The following FAM186A variants were observed in gnomAD, a reference collection of about 807,000 sequenced individuals.
FAM186A encodes protein FAM186A.
A neutral mutation model predicts 216.8 loss-of-function variants in FAM186A; 163 were observed. The ratio of observed to expected loss-of-function variants is 0.75; its 90% CI spans 0.66 to 0.86. FAM186A has a LOEUF of 0.86. FAM186A is among the 40% of genes least tolerant of loss of function. FAM186A has a pLI of 0.00. For missense variants in FAM186A, 2,184 were observed against 2,746.2 expected (o/e 0.80, Z 4.58); for synonymous variants, 805 against 1,025.3 (o/e 0.79, Z 4.10).
At chr12:50,377,390 C>T (rs1943208048) in intron 1 of FAM186A, among the ~76,000 whole-genome samples, 2 of 152,102 alleles carry the variant, frequency 1.3e-5, no homozygotes. Context: ...ATATCTTGCA[C>T]AATATTTCAA....
At chr12:50,328,961 C>CA (rs929570478) in intron 7 of FAM186A, among the ~76,000 whole-genome samples, 17 of 151,338 alleles carry the variant, frequency 1.1e-4, no homozygotes, top group Non-Finnish European at 1.6e-4. Context: ...ACTAAAAATA[C>CA]AAAAAAAATT....
Position 50,341,632 on chromosome 12 carries a change from C to T in FAM186A, c.6504-7529G>A, listed in dbSNP as rs145860073. Among the ~76,000 whole-genome samples the T allele has an allele frequency of 3.2e-3, 488 of 152,116 alleles. 3 individuals are homozygous for T. Among genetic ancestry groups the T allele is most frequent in the Non-Finnish European group, 4.6e-3 (311 of 67,986 alleles). ...TGGGCAGATCACGAGGTCAGGAGTT[C>T]GAGACCAACCTGGCCAACATGGTGA... is the stretch of plus-strand genomic sequence containing the variant. On this transcript the variant is annotated intron_variant, in intron 4 of 7. Transcript: ENST00000327337.
intron 2 of FAM186A, among the ~76,000 whole-genome samples, chr12:50,361,141 A>T (rs1289885044): frequency 6.6e-6 from 1 of 152,236 alleles, no homozygotes; most frequent in Non-Finnish European, 1.5e-5. Context: ...ACATAAAGAC[A>T]TGAATCAGAT....
At chr12:50,391,377 G>A (rs549752851) in intron 1 of FAM186A, among the ~76,000 whole-genome samples, 8 of 143,994 alleles carry the variant, frequency 5.6e-5, no homozygotes, top group Non-Finnish European at 1.1e-4. Flanking sequence ...GTGCAGTGGC[G>A]CGATCTTGGC....
At chr12:50,328,853 C>G (rs1370469958) in intron 7 of FAM186A, among the ~76,000 whole-genome samples, 2 of 152,194 alleles carry the variant, frequency 1.3e-5, no homozygotes, top group Non-Finnish European at 2.9e-5. Context: ...CGGTGGCTCA[C>G]GCCTGTAATC....
chr12:50,331,648 T>C (rs760710592), intron 6 of FAM186A, 22 bp downstream of exon 6: 11 of 1,525,462 alleles, frequency 7.2e-6, no homozygotes, highest in Non-Finnish European at 8.8e-7. Flanking sequence ...CAAAGTTTAA[T>C]ATCAGTCTTT....
At chr12:50,359,110 A>T (rs1327989533) in intron 3 of FAM186A, among the ~76,000 whole-genome samples, 2 of 134,110 alleles carry the variant, frequency 1.5e-5, no homozygotes, top group Non-Finnish European at 3.4e-5. Context: ...TGGCCATAAT[A>T]AAAAAAAAGA....
chr12:50,333,102 A>G (rs1361652271), intron 5 of FAM186A, among the ~76,000 whole-genome samples: 2 of 152,350 alleles, frequency 1.3e-5, no homozygotes, highest in African/African-American at 4.8e-5. Context: ...TTTGACTTGG[A>G]TTAGGCTCTG....
rs1942956171 is a variant in FAM186A at position 50,354,915 on chromosome 12, A to G, written c.1917T>C (p.Leu639=). ...ELTKQVKSHQ[L]VKSLSRVAKE... is the part of the protein sequence containing the mutation. ...TAGCCACTCTTGAGAGTGATTTAAC[A>G]AGTTGATGAGACTTGACTTGTTTGG... Residue 639 remains leucine, a synonymous_variant, in exon 4 of 8, where the codon CTT becomes CTC. Transcript: ENST00000327337. The G allele has an allele frequency of 3.9e-6, 6 of 1,550,608 alleles. No homozygotes were observed. Among genetic ancestry groups the G allele is most frequent in the Non-Finnish European group, 4.4e-6 (5 of 1,146,850 alleles).
chr12:50,390,326 A>G (rs968452113), intron 1 of FAM186A, among the ~76,000 whole-genome samples: 1 of 152,164 alleles, frequency 6.6e-6, no homozygotes, highest in Non-Finnish European at 1.5e-5. Context: ...TCCTTCTTCA[A>G]GAGAACTTGA....
In FAM186A at chr12:50,354,121, T is replaced by C. The variant is rs1489843048; in HGVS notation, c.2711A>G (p.Glu904Gly). 1 of 1,551,684 alleles carries C rather than the reference T, an allele frequency of 6.4e-7. No homozygotes were observed. Among genetic ancestry groups the C allele is most frequent in the Non-Finnish European group, 8.7e-7 (1 of 1,147,008 alleles). ...CTGTCCTCTTTGCTTTTGCTTTTCC[T>C]CTTGCTCAGCCTGCTTTGGAGTTGC... ...KQATPKQAEQ[E>G]EKQKQRGQEE... The change falls in exon 4 of 8, where the codon GAG (glutamate) becomes GGG (glycine). Residue 904 changes from glutamate (E) to glycine (G), a missense_variant. By Grantham distance (98) the Glu-to-Gly change is moderately conservative (BLOSUM62 -2). This residue lies in a region of FAM186A where 1,132 missense variants were observed against 1,263.4 expected (regional missense o/e 0.90). Transcript: ENST00000327337.
intron 4 of FAM186A, among the ~76,000 whole-genome samples, chr12:50,337,411 C>T (rs1190885176): frequency 1.3e-5 from 2 of 148,438 alleles, no homozygotes; most frequent in Non-Finnish European, 1.5e-5. Context: ...CCTCCCACCT[C>T]AGCCCCCCTC....
intron 1 of FAM186A, among the ~76,000 whole-genome samples, chr12:50,364,082 C>T (rs994469362): frequency 6.6e-6 from 1 of 152,122 alleles, no homozygotes; most frequent in African/African-American, 2.4e-5. Context: ...GGATGGACTA[C>T]TGGCATTTAG....
At position 50,330,711 on chromosome 12, in the gene FAM186A, G is replaced by A. The variant is rs1942648852; in HGVS notation, c.6896C>T (p.Thr2299Ile). 6.5e-7 allele frequency: 1 copy of A among 1,541,924 alleles called. No individual in the cohort carries two copies. Among genetic ancestry groups the A allele is most frequent in the Admixed American group, 2.1e-5 (1 of 48,674 alleles). Residue 2299 changes from threonine (T) to isoleucine (I), a missense_variant, in exon 7 of 8, where the codon ACT becomes ATT. Transcript: ENST00000327337. ...CTTCTCTGCTATTGGGTAGCTTGAAGTGGACAGATCAACATTCCAGATGGC... is the reference window on the plus strand; with the variant it reads ...CTTCTCTGCTATTGGGTAGCTTGAAATGGACAGATCAACATTCCAGATGGC... ...TEAIWNVDLS[T>I]SSYPIAEKTS...
chr12:50,335,187 G>T (rs1199138426), intron 4 of FAM186A, among the ~76,000 whole-genome samples: 2 of 152,118 alleles, frequency 1.3e-5, no homozygotes, highest in East Asian at 3.9e-4. Context: ...AGCCTAGGGA[G>T]TTCGAGGCTG....
At chr12:50,360,391 G>T (rs1235718900) in intron 3 of FAM186A, among the ~76,000 whole-genome samples, 1 of 146,184 alleles carries the variant, frequency 6.8e-6, no homozygotes, top group African/African-American at 2.5e-5. Context: ...CAATAAAGCT[G>T]TTTTTTTTTT....
intron 6 of FAM186A, 31 bp from the exon 7 acceptor site, chr12:50,330,789 A>G (rs1342458306): frequency 6.7e-7 from 1 of 1,490,596 alleles, no homozygotes; most frequent in African/African-American, 1.4e-5. Flanking sequence ...GGGAACGCCA[A>G]ATTCTCCTGA....
At chr12:50,363,902 C>T (rs563955739) in intron 1 of FAM186A, among the ~76,000 whole-genome samples, 95 of 152,238 alleles carry the variant, frequency 6.2e-4, no homozygotes, top group Non-Finnish European at 1.1e-3. Context: ...GCTCAAGAAT[C>T]TTACCACTTA....
At chr12:50,365,424 TTATC>T (rs1462238169) in intron 1 of FAM186A, among the ~76,000 whole-genome samples, 1 of 152,212 alleles carries the variant, frequency 6.6e-6, no homozygotes, top group Non-Finnish European at 1.5e-5. Flanking sequence ...TATAGGTAGT[TTATC>T]TGTGAATATC....
Sources: gnomAD v4.1 joint callset for allele counts (sites outside exome capture counted in the v4.1 genomes callset) on GRCh38, gnomAD v4.1.1 for gene constraint, gnomAD v4.1.1 regional missense constraint, MANE v1.5 for transcripts, NCBI Gene and HGNC (gene_info 2026-07-23, HGNC 2026-07-21) for gene names.